The following CPED1 variants were observed in gnomAD, a reference collection of about 807,000 sequenced individuals.
CPED1 encodes cadherin like and PC-esterase domain containing 1.
A neutral mutation model predicts 128.2 loss-of-function variants in CPED1; 114 were observed. That is an observed-to-expected ratio of 0.89 (90% CI 0.76 to 1.04). The LOEUF is 1.04. Among genes scored for constraint, CPED1 ranks in the 50% least tolerant of loss-of-function variants. The pLI, the probability that CPED1 is intolerant of heterozygous loss-of-function variation, is 0.00. For synonymous variants in CPED1, 462 were observed against 426.7 expected (o/e 1.08, Z -1.02); for missense variants, 1,211 against 1,207.1 (o/e 1.00, Z -0.05).
chr7:121,109,736 T>C (rs1795060677), intron 7 of CPED1, among the ~76,000 whole-genome samples: 1 of 152,194 alleles, frequency 6.6e-6, no homozygotes, highest in Non-Finnish European at 1.5e-5. Flanking sequence ...TTTTTCTATG[T>C]GCTTGATTAC....
At chr7:121,290,916 T>A (rs182007724) in intron 22 of CPED1, among the ~76,000 whole-genome samples, 1 of 152,342 alleles carries the variant, frequency 6.6e-6, no homozygotes, top group African/African-American at 2.4e-5. Context: ...GGTTTTCTTC[T>A]AGGGTTTTTA....
intron 2 of CPED1, among the ~76,000 whole-genome samples, chr7:120,998,718 T>C (rs1049797558): frequency 1.3e-5 from 2 of 152,062 alleles, no homozygotes; most frequent in Admixed American, 1.3e-4. Context: ...CACAGTAAAA[T>C]GAATCTTTTG....
chr7:121,252,835 G>T (rs1221236692), intron 18 of CPED1, among the ~76,000 whole-genome samples: 1 of 152,152 alleles, frequency 6.6e-6, no homozygotes, highest in East Asian at 1.9e-4. Context: ...AGGATGTGGA[G>T]AAATAGGAAC....
intron 3 of CPED1, among the ~76,000 whole-genome samples, chr7:121,016,426 G>A (rs988085865): frequency 6.6e-6 from 1 of 152,162 alleles, no homozygotes; most frequent in Non-Finnish European, 1.5e-5. Context: ...AAGACCTAAC[G>A]TTTCTTGAAC....
At chr7:121,117,637 G>A (rs772888957) in intron 7 of CPED1, among the ~76,000 whole-genome samples, 5 of 152,126 alleles carry the variant, frequency 3.3e-5, no homozygotes, top group Non-Finnish European at 4.4e-5. Context: ...GAGGCAGGCA[G>A]CCATATCCAG....
intron 5 of CPED1, among the ~76,000 whole-genome samples, chr7:121,068,715 A>G (rs892707927): frequency 3.3e-5 from 5 of 150,212 alleles, no homozygotes; most frequent in South Asian, 2.1e-4. Flanking sequence ...CAGTATGGCC[A>G]TTTTCACAAT....
chr7:121,225,062 A>C (rs1249003755), intron 16 of CPED1, among the ~76,000 whole-genome samples: 2 of 152,030 alleles, frequency 1.3e-5, no homozygotes, highest in African/African-American at 4.8e-5. Flanking sequence ...CAGTTTCTTC[A>C]TAGCATCGAT....
intron 2 of CPED1, among the ~76,000 whole-genome samples, chr7:121,011,547 A>C (rs891625260): frequency 6.6e-6 from 1 of 152,190 alleles, no homozygotes; most frequent in East Asian, 1.9e-4. Flanking sequence ...TCACTCATTC[A>C]AAGAATATTT....
At chr7:121,047,237 C>A (rs531392568) in intron 4 of CPED1, among the ~76,000 whole-genome samples, 113 of 152,316 alleles carry the variant, frequency 7.4e-4, no homozygotes, top group African/African-American at 2.6e-3. Flanking sequence ...CCAACTTTAT[C>A]TAGAAGTCTG....
In CPED1 at chr7:121,136,540, C is replaced by G. The variant is rs185674341; in HGVS notation, c.1699+450C>G. ...TCAATTTTTTTAATTCATTTTTTAACCAAGACATAATACGAGAAACGTAAG... is the reference window on the plus strand; with the variant it reads ...TCAATTTTTTTAATTCATTTTTTAAGCAAGACATAATACGAGAAACGTAAG... On this transcript the variant is annotated intron_variant, in intron 14 of 22. Transcript: ENST00000310396. Among the ~76,000 whole-genome samples the G allele has an allele frequency of 1.2e-4, 18 of 152,148 alleles. No individual in the cohort carries two copies. The East Asian group carries it at 1.7e-3, about 15-fold the overall frequency.
At chr7:121,132,745 G>T (rs950722538) in intron 12 of CPED1, among the ~76,000 whole-genome samples, 5 of 152,032 alleles carry the variant, frequency 3.3e-5, no homozygotes, top group Non-Finnish European at 7.4e-5. Flanking sequence ...GAAAATCACT[G>T]CAAGATGCCT....
intron 5 of CPED1, among the ~76,000 whole-genome samples, chr7:121,073,907 C>T (rs1360564747): frequency 6.6e-6 from 1 of 150,674 alleles, no homozygotes; most frequent in Non-Finnish European, 1.5e-5. Context: ...CATTGGGACA[C>T]AGTTTTCTCC....
rs201423771 is a variant in CPED1, at chr7:121,097,744, T to C, written c.662T>C (p.Met221Thr). The C allele has an allele frequency of 3.7e-5, 60 of 1,613,766 alleles. No individual in the cohort carries two copies. The highest frequency in any genetic ancestry group is 5.1e-5 in the Non-Finnish European group (60 of 1,179,814). Reference protein sequence around the residue: ...VSPSVCLDQGMQLKPSTSSHL... With the variant: ...VSPSVCLDQGTQLKPSTSSHL... ...CCCTCTGTGTGTCTGGATCAGGGAA[T>C]GCAATTAAAGCCGAGTACTTCGAGT... Residue 221 changes from methionine to threonine, a missense_variant, in exon 6 of 23, where the codon ATG (methionine) becomes ACG (threonine). Coordinates refer to ENST00000310396, the MANE Select transcript of CPED1 (RefSeq NM_024913.5).
chr7:121,266,943 A>G, intron 20 of CPED1, 135 bp downstream of exon 20: 1 of 685,606 alleles, frequency 1.5e-6, no homozygotes, highest in Non-Finnish European at 2.5e-6. Context: ...TCTAGTTTAA[A>G]ATAATAAAGT....
At chr7:121,123,587 A>G (rs912725529) in intron 7 of CPED1, among the ~76,000 whole-genome samples, 1 of 152,204 alleles carries the variant, frequency 6.6e-6, no homozygotes, top group African/African-American at 2.4e-5. Context: ...CTCAAGAGGT[A>G]GTTTTGTTTT....
chr7:121,263,377 T>G (rs1435569378), intron 18 of CPED1, among the ~76,000 whole-genome samples: 1 of 152,122 alleles, frequency 6.6e-6, no homozygotes, highest in African/African-American at 2.4e-5. Context: ...AAATTTTAAG[T>G]GCCTAACAAG....
intron 16 of CPED1, among the ~76,000 whole-genome samples, chr7:121,233,776 G>A (rs1429814806): frequency 2.0e-5 from 3 of 151,964 alleles, no homozygotes; most frequent in African/African-American, 7.2e-5. Flanking sequence ...GACCCTTTGA[G>A]GAATAGAGAA....
At chr7:121,203,434 A>G (rs1436453170) in intron 16 of CPED1, among the ~76,000 whole-genome samples, 1 of 152,118 alleles carries the variant, frequency 6.6e-6, no homozygotes. Context: ...ACTCCTGGTC[A>G]TGTCTTACCA....
intron 2 of CPED1, among the ~76,000 whole-genome samples, chr7:120,995,313 T>A (rs1202425289): frequency 6.6e-6 from 1 of 152,230 alleles, no homozygotes; most frequent in Non-Finnish European, 1.5e-5. Flanking sequence ...AGGCATGTTC[T>A]GCTATTGGGA....
Sources: gnomAD v4.1 joint callset for allele counts (sites outside exome capture counted in the v4.1 genomes callset) on GRCh38, gnomAD v4.1.1 for gene constraint, MANE v1.5 for transcripts, NCBI Gene and HGNC (gene_info 2026-07-23, HGNC 2026-07-21) for gene names.